RIOX2: variants seen among roughly 807,000 people sequenced by gnomAD.
The protein encoded by RIOX2 is ribosomal oxygenase 2.
RIOX2 carries 43 observed loss-of-function variants against 51.2 expected under a neutral mutation model. The ratio of observed to expected loss-of-function variants is 0.84; its 90% CI spans 0.66 to 1.08. The LOEUF (loss-of-function observed/expected upper bound fraction) is 1.08, where lower values mean the gene tolerates loss of function less well. RIOX2 is among the 50% of genes least tolerant of loss of function. RIOX2 has a pLI of 0.00. For synonymous variants in RIOX2, 226 were observed against 218.5 expected (o/e 1.03, Z -0.30); for missense variants, 566 against 561.7 (o/e 1.01, Z -0.08).
chr3:97,950,173 T>C (rs1372782142), intron 6 of RIOX2, 158 bp from the exon 7 acceptor site: 6 of 692,104 alleles, frequency 8.7e-6, no homozygotes, highest in East Asian at 2.7e-5. Flanking sequence ...AAGAATGATA[T>C]CTCATCATTT....
In RIOX2 at chr3:97,950,108, G is replaced by A. The variant is rs145030971; in HGVS notation, c.889-93C>T. 1.3e-3 allele frequency: 1,658 copies of A among 1,234,460 alleles called. 17 individuals are homozygous for A. In the African/African-American group the frequency reaches 0.022, roughly 16 times the overall value. 76.5% of individuals were successfully genotyped at this position (1,234,460 alleles called of 1,614,324 possible). ...GTAGACTGCAAAACTGCCAGCCACC[G>A]GGTATAGACATTAATCCATGTCATT... On this transcript the variant is annotated intron_variant, in intron 6 of 9. Coordinates refer to ENST00000394198, the MANE Select transcript of RIOX2 (RefSeq NM_153182.4).
At chr3:97,968,035 C>G (rs1705959365) in intron 1 of RIOX2, among the ~76,000 whole-genome samples, 1 of 152,112 alleles carries the variant, frequency 6.6e-6, no homozygotes, top group South Asian at 2.1e-4. Flanking sequence ...CATCAGGGCC[C>G]ACATCTAATT....
In RIOX2 at chr3:97,959,033, A is replaced by G; in HGVS notation, c.681+18T>C. On this transcript the variant is annotated intron_variant, in intron 4 of 9. Coordinates refer to ENST00000394198, the MANE Select transcript of RIOX2 (RefSeq NM_153182.4). Reference sequence around the variant, plus strand: ...CAATGGCTCTAACAATGAGGTGCCCACAACGGTTATCACATACCTTCAGCA... The same window carrying G: ...CAATGGCTCTAACAATGAGGTGCCCGCAACGGTTATCACATACCTTCAGCA... 2 of 1,597,776 alleles carry G rather than the reference A, an allele frequency of 1.3e-6. No individual in the cohort carries two copies. The highest frequency in any genetic ancestry group is 1.7e-6 in the Non-Finnish European group (2 of 1,171,370).
At position 97,943,124 on chromosome 3, in the gene RIOX2, C is replaced by G; in HGVS notation, c.*2060G>C. On this transcript the variant is annotated 3_prime_UTR_variant, in exon 10 of 10. Transcript: ENST00000394198. ...CAGACTTCTTTGTAAATGACACATT[C>G]ATCCACCGAAATGGTGAGCTGAACA... 1 of 654,608 alleles carries G rather than the reference C, an allele frequency of 1.5e-6. No individual in the cohort carries two copies. The allele number at this position is 654,608 out of a possible 1,614,324, so 40.5% of individuals were successfully genotyped here.
At chr3:97,951,159 T>G (rs765153889) in intron 5 of RIOX2, 1 of 314,122 alleles carries the variant, frequency 3.2e-6, no homozygotes, top group Non-Finnish European at 5.9e-6. Context: ...TCTTAAAAGC[T>G]CTCAGAAAAT....
chr3:97,952,021 C>G, intron 5 of RIOX2: 1 of 478,934 alleles, frequency 2.1e-6, no homozygotes. Flanking sequence ...ATTGGGACTT[C>G]CCACAATTTA....
chr3:97,966,417 T>C (rs1340450327), intron 2 of RIOX2, among the ~76,000 whole-genome samples: 1 of 152,224 alleles, frequency 6.6e-6, no homozygotes, highest in Non-Finnish European at 1.5e-5. Flanking sequence ...TGTCATGAGA[T>C]GAGATACAGA....
chr3:97,972,257 A>G (rs1451140786), intron 1 of RIOX2, 124 bp downstream of exon 1: 1 of 146,314 alleles, frequency 6.8e-6, no homozygotes, highest in Admixed American at 6.8e-5. Flanking sequence ...CTTCTCGCCG[A>G]CCGACAGGTC....
At chr3:97,965,338 C>G (rs1705847822) in intron 2 of RIOX2, among the ~76,000 whole-genome samples, 1 of 151,916 alleles carries the variant, frequency 6.6e-6, no homozygotes, top group Non-Finnish European at 1.5e-5. Flanking sequence ...ATGGCGAAAC[C>G]CTGTCTCTAC....
At chr3:97,948,554 C>T (rs2040412744) in intron 7 of RIOX2, among the ~76,000 whole-genome samples, 1 of 152,204 alleles carries the variant, frequency 6.6e-6, no homozygotes, top group Non-Finnish European at 1.5e-5. Flanking sequence ...CAAACCACAA[C>T]ACTGACCGAA....
chr3:97,954,418 G>A lies in RIOX2; in HGVS notation c.759C>T (p.His253=), dbSNP rs373035216. 2.9e-5 allele frequency: 47 copies of A among 1,613,926 alleles called. No individual in the cohort carries two copies. The highest frequency in any genetic ancestry group is 4.5e-5 in the East Asian group (2 of 44,886). The part of the protein sequence containing the change: ...DTPAGLAHST[H]VTISTYQNNS... ...TGTTCTGGTAGGTGCTGATGGTCAC[G>A]TGAGTAGAGTGGGCCAGCCCCGCAG... The change falls in exon 5 of 10, where the codon CAC becomes CAT. Residue 253 remains histidine (H), a synonymous_variant. Coordinates refer to ENST00000394198, the MANE Select transcript of RIOX2 (RefSeq NM_153182.4).
chr3:97,947,393 C>A lies in RIOX2; in HGVS notation c.1117G>T (p.Val373Phe), dbSNP rs964520535. 18 of 1,613,296 alleles carry A rather than the reference C, an allele frequency of 1.1e-5. No homozygotes were observed. The highest frequency in any genetic ancestry group is 1.4e-5 in the Non-Finnish European group (16 of 1,179,510). Reference sequence around the variant, plus strand: ...TCTTGATCCGGCAGTACTGTGAGGACAATGTGGTCTTTAAACTGCAGTCTC... The same window carrying A: ...TCTTGATCCGGCAGTACTGTGAGGAAAATGTGGTCTTTAAACTGCAGTCTC... ...VVRLQFKDHI[V>F]LTVLPDQDQS... Residue 373 changes from valine to phenylalanine, a missense_variant, in exon 8 of 10, where the codon GTC (valine) becomes TTC (phenylalanine). Physicochemically the swap from Val to Phe is conservative, Grantham distance 50. Coordinates refer to ENST00000394198, the MANE Select transcript of RIOX2 (RefSeq NM_153182.4).
intron 2 of RIOX2, among the ~76,000 whole-genome samples, chr3:97,966,895 T>C (rs1036264924): frequency 9.9e-5 from 15 of 152,282 alleles, no homozygotes; most frequent in Non-Finnish European, 1.3e-4. Flanking sequence ...TTAACAACTT[T>C]ATAAACTTGC....
At chr3:97,960,556 C>G (rs1045095136) in intron 3 of RIOX2, among the ~76,000 whole-genome samples, 1 of 150,388 alleles carries the variant, frequency 6.6e-6, no homozygotes, top group Non-Finnish European at 1.5e-5. Context: ...GTTGGCACCA[C>G]TAACCCCCAC....
intron 1 of RIOX2, among the ~76,000 whole-genome samples, chr3:97,970,824 T>C (rs963138627): frequency 1.3e-5 from 2 of 152,188 alleles, no homozygotes; most frequent in African/African-American, 4.8e-5. Context: ...AACCATACTA[T>C]AGGCAACAGA....
chr3:97,952,109 A>G (rs1233981514), intron 5 of RIOX2: 2 of 1,146,230 alleles, frequency 1.7e-6, no homozygotes, highest in African/African-American at 3.2e-5. Flanking sequence ...CACTCCAACA[A>G]TGCTACCTTG....
In RIOX2 at chr3:97,967,464, T is replaced by G. The variant is rs1257077957; in HGVS notation, c.130A>C (p.Ser44Arg). The G allele has an allele frequency of 1.9e-6, 3 of 1,614,146 alleles. No individual in the cohort carries two copies. The Admixed American group carries it at 5.0e-5, about 27-fold the overall frequency. ...NFDSPSSLFE[S>R]LISPIKTETF... is the part of the protein sequence containing the mutation. ...TCTGTCTTGATGGGCGAGATTAAAC[T>G]TTCAAAGAGACTACTGGGACTGTCA... Residue 44 changes from serine (S) to arginine (R), a missense_variant, in exon 2 of 10, where the codon AGT becomes CGT. Transcript: ENST00000394198.
intron 2 of RIOX2, among the ~76,000 whole-genome samples, chr3:97,962,627 G>T (rs1296415583): frequency 6.6e-6 from 1 of 152,178 alleles, no homozygotes; most frequent in Non-Finnish European, 1.5e-5. Flanking sequence ...AGAGAAGGAA[G>T]TCTGATTTTA....
chr3:97,954,781 CCCTGATGCAGGGATCAAGGAAGGTAACAT>C (rs1290355770), intron 4 of RIOX2, among the ~76,000 whole-genome samples: 12 of 152,098 alleles, frequency 7.9e-5, no homozygotes, highest in African/African-American at 2.9e-4. Flanking sequence ...GACTACCCTG[CCCTGATGCAGGGATCAAGGAAGGTAACAT>C]CCTGTGCCTG....
Sources: allele counts gnomAD v4.1 joint callset (sites outside exome capture counted in the v4.1 genomes callset), GRCh38; gene constraint gnomAD v4.1.1; transcripts MANE v1.5; gene names NCBI Gene and HGNC (gene_info 2026-07-23, HGNC 2026-07-21).